MSI1: variants seen among roughly 807,000 people sequenced by gnomAD.
MSI1 encodes the protein musashi RNA binding protein 1.
In MSI1, 15 loss-of-function variants were observed where a neutral mutation model predicts 54.4. The ratio of observed to expected loss-of-function variants is 0.28; its 90% CI spans 0.18 to 0.42. MSI1 has a LOEUF of 0.42. Ranked by LOEUF, MSI1 falls within the 20% of genes least tolerant of loss-of-function variation. The probability of loss-of-function intolerance (pLI) is 1.00; values close to 1 mark genes in which losing one functional copy is unlikely to be tolerated. For missense variants in MSI1, 304 were observed against 506.0 expected, an observed-to-expected ratio of 0.60 and a Z score of 3.83; for synonymous variants, 200 against 196.5, an observed-to-expected ratio of 1.02 and a Z score of -0.15.
rs1393524605 is a variant in MSI1 at position 120,341,901 on chromosome 12, TG to T, written c.*1225del. ...GGCCCTGCCACGCCAGCCAGGCCAC[TG>T]TTCATGAAGGTCCAACGCTCTGAAC... On this transcript the variant is annotated 3_prime_UTR_variant, in exon 15 of 15. Transcript: ENST00000257552. 1 of 152,508 alleles carries T rather than the reference TG, an allele frequency of 6.6e-6. No homozygotes were observed. Among genetic ancestry groups the T allele is most frequent in the African/African-American group, 2.4e-5 (1 of 41,350 alleles). 9.4% of individuals were successfully genotyped at this position (152,508 alleles called of 1,614,324 possible).
In MSI1 at chr12:120,368,833, C is replaced by G. The variant is rs1876204913; in HGVS notation, c.100G>C (p.Glu34Gln). Residue 34 changes from glutamate to glutamine, a missense_variant and splice_region_variant, in exon 2 of 15, where the codon GAA (glutamate) becomes CAA (glutamine). Transcript: ENST00000257552. This position sits in a 1 kb window ranked among gnomAD's most constrained non-coding sequence, Gnocchi z 6.6. ...GGCGGGCGCTCCCGGGCTCGCTCAC[C>G]CTGCGTAGTCTGCCAACTGAGTCCC... ...IGGLSWQTTQ[E>Q]GLREYFGQFG... 1 of 1,448,678 alleles carries G rather than the reference C, an allele frequency of 6.9e-7. No individual in the cohort carries two copies. Among genetic ancestry groups the G allele is most frequent in the Non-Finnish European group, 9.2e-7 (1 of 1,088,686 alleles). The allele number at this position is 1,448,678 out of a possible 1,614,324, so 89.7% of individuals were successfully genotyped here.
At chr12:120,351,477 C>T (rs902996750) in intron 10 of MSI1, 77 bp from the exon 11 acceptor site, 2 of 1,331,444 alleles carry the variant, frequency 1.5e-6, no homozygotes, top group African/African-American at 1.5e-5. Context: ...ACAAATGCAC[C>T]CACAGGGACA....
chr12:120,357,102 T>C, intron 8 of MSI1, 83 bp from the exon 9 acceptor site: 1 of 1,229,346 alleles, frequency 8.1e-7, no homozygotes, highest in Middle Eastern at 1.9e-4. Flanking sequence ...CCTTTATTAA[T>C]TTTATTAATT....
At chr12:120,348,305 C>A (rs1022625045) in intron 11 of MSI1, among the ~76,000 whole-genome samples, 4 of 152,182 alleles carry the variant, frequency 2.6e-5, no homozygotes, top group African/African-American at 9.7e-5. Context: ...GAAAGGGAAT[C>A]TGCTTAAAAC....
In MSI1 at chr12:120,342,038, A is replaced by T. The variant is rs1406805180; in HGVS notation, c.*1089T>A. 1.4e-5 allele frequency: 2 copies of T among 142,040 alleles called. No homozygotes were observed. The highest frequency in any genetic ancestry group is 4.2e-4 in the East Asian group (2 of 4,720). 8.8% of individuals were successfully genotyped at this position (142,040 alleles called of 1,614,324 possible). A position where few individuals can be genotyped will look rare whatever the true frequency, so the allele number is the denominator to read the frequency against. On this transcript the variant is annotated 3_prime_UTR_variant, in exon 15 of 15. Coordinates refer to ENST00000257552, the MANE Select transcript of MSI1 (RefSeq NM_002442.4). The stretch of plus-strand genomic sequence containing the variant: ...TGAGAGAATGTGGGGGTTCCCTGAG[A>T]CGCCCTTTGCTTTCCCCTGGGGTCT...
intron 12 of MSI1, among the ~76,000 whole-genome samples, chr12:120,347,235 C>A (rs1256621660): frequency 6.6e-6 from 1 of 152,224 alleles, no homozygotes; most frequent in Non-Finnish European, 1.5e-5. Flanking sequence ...TAGGCAGGAG[C>A]CACCGCGCCC....
chr12:120,353,243 G>C, intron 10 of MSI1, 56 bp downstream of exon 10: 1 of 1,560,708 alleles, frequency 6.4e-7, no homozygotes, highest in Non-Finnish European at 8.8e-7. Flanking sequence ...TGAGAAGTCA[G>C]ACTGCCCGGG....
intron 6 of MSI1, among the ~76,000 whole-genome samples, chr12:120,361,707 C>T (rs1351461040): frequency 6.6e-6 from 1 of 150,744 alleles, no homozygotes; most frequent in Non-Finnish European, 1.5e-5. Context: ...CCCTCGGCGG[C>T]GGCCCCTCGA....
chr12:120,363,026 C>T lies in MSI1; in HGVS notation c.402+17G>A, dbSNP rs1323455409. 6.2e-7 allele frequency: 1 copy of T among 1,609,868 alleles called. No individual in the cohort carries two copies. ...TGTTCACAGCCCCAGCAGCAAGCGCCCCCAGTTTAAACCCACCTTCCCAAA... is the reference window on the plus strand; with the variant it reads ...TGTTCACAGCCCCAGCAGCAAGCGCTCCCAGTTTAAACCCACCTTCCCAAA... On this transcript the variant is annotated intron_variant, in intron 6 of 14. Transcript: ENST00000257552.
chr12:120,366,046 T>C (rs1202370910), intron 4 of MSI1, among the ~76,000 whole-genome samples: 1 of 152,086 alleles, frequency 6.6e-6, no homozygotes, highest in African/African-American at 2.4e-5. Flanking sequence ...TACTCCTGGG[T>C]ACTATAGCTG....
chr12:120,360,860 G>A (rs1875575187), intron 6 of MSI1, among the ~76,000 whole-genome samples: 1 of 149,566 alleles, frequency 6.7e-6, no homozygotes. Context: ...TCGCTATATT[G>A]CCCAGGCTAG....
At chr12:120,358,546 C>T (rs971597901) in intron 7 of MSI1, among the ~76,000 whole-genome samples, 2 of 152,178 alleles carry the variant, frequency 1.3e-5, no homozygotes, top group African/African-American at 2.4e-5. Flanking sequence ...GTAAGGCCCT[C>T]GGGAGAAAAA....
intron 5 of MSI1, among the ~76,000 whole-genome samples, chr12:120,363,919 C>T (rs1259267584): frequency 1.3e-5 from 2 of 152,162 alleles, no homozygotes; most frequent in East Asian, 1.9e-4. Flanking sequence ...AGGAGGAAAC[C>T]GAACTCTCCT....
At chr12:120,364,596 C>T in intron 5 of MSI1, 118 bp downstream of exon 5, 1 of 1,011,726 alleles carries the variant, frequency 9.9e-7, no homozygotes, top group Non-Finnish European at 1.4e-6. Flanking sequence ...CCAGCCCATT[C>T]CACAAACACT....
intron 11 of MSI1, among the ~76,000 whole-genome samples, chr12:120,348,674 G>A (rs144752083): frequency 5.3e-5 from 8 of 151,600 alleles, no homozygotes; most frequent in African/African-American, 7.3e-5. Context: ...ACCTGAAGTC[G>A]GGAGTTCAAG....
chr12:120,345,985 CCCA>C (rs1170116108), intron 13 of MSI1, 147 bp downstream of exon 13: 26 of 766,170 alleles, frequency 3.4e-5, no homozygotes, highest in African/African-American at 5.3e-5. Context: ...AATGATAACC[CCCA>C]CAACTCTTCC....
In MSI1 at chr12:120,369,024, G is replaced by A. The variant is rs990022307; in HGVS notation, c.59+9C>T. 2.1e-5 allele frequency: 22 copies of A among 1,052,712 alleles called. No individual in the cohort carries two copies. Among genetic ancestry groups the A allele is most frequent in the Non-Finnish European group, 2.4e-5 (21 of 874,634 alleles). The allele number at this position is 1,052,712 out of a possible 1,614,324, so 65.2% of individuals were successfully genotyped here. A position where few individuals can be genotyped will look rare whatever the true frequency, so the allele number is the denominator to read the frequency against. On this transcript the variant is annotated intron_variant, in intron 1 of 14. Coordinates refer to ENST00000257552, the MANE Select transcript of MSI1 (RefSeq NM_002442.4). ...GGGCGCGGGCCAAGCAGGCCGGGCC[G>A]GGCCGTACCAGGGGTCGTGCGGCGA...
intron 6 of MSI1, 41 bp from the exon 7 acceptor site, chr12:120,359,094 C>T (rs749573084): frequency 1.6e-5 from 25 of 1,551,326 alleles, no homozygotes; most frequent in African/African-American, 2.7e-5. Flanking sequence ...CAGATACCAG[C>T]GGAACCCACT....
In MSI1 at chr12:120,368,411, C is replaced by T. The variant is rs892706747; in HGVS notation, c.101-138G>A. 18 of 864,226 alleles carry T rather than the reference C, an allele frequency of 2.1e-5. No individual in the cohort carries two copies. The highest frequency in any genetic ancestry group is 3.5e-5 in the Admixed American group (1 of 28,522). 53.5% of individuals were successfully genotyped at this position (864,226 alleles called of 1,614,324 possible). ...CCGCGCGTTCTCCACTGCCGCCGCC[C>T]CCCACCGCCCTCGCCCCGTTCCCGC... On this transcript the variant is annotated intron_variant, in intron 2 of 14. Coordinates refer to ENST00000257552, the MANE Select transcript of MSI1 (RefSeq NM_002442.4). The surrounding 1 kb of genome is among the most constrained non-coding windows in gnomAD (Gnocchi z 6.6).
Sources: gnomAD v4.1 joint callset for allele counts (sites outside exome capture counted in the v4.1 genomes callset) on GRCh38, gnomAD v4.1.1 for gene constraint, Gnocchi (gnomAD v3.1) non-coding constraint, MANE v1.5 for transcripts, NCBI Gene and HGNC (gene_info 2026-07-23, HGNC 2026-07-21) for gene names.